Variants in DISC1 observed in about 807,000 individuals in gnomAD.
The protein encoded by DISC1 is disrupted in schizophrenia 1 protein.
In DISC1, 57 loss-of-function variants were observed where a neutral mutation model predicts 84.5. That is an observed-to-expected ratio of 0.67 (90% confidence interval 0.55 to 0.84). The LOEUF is 0.84. Among genes scored for constraint, DISC1 ranks in the 40% least tolerant of loss-of-function variants. The pLI, the probability that DISC1 is intolerant of heterozygous loss-of-function variation, is 0.00. For missense variants in DISC1, 1,000 were observed against 1,057.8 expected (o/e 0.95, Z 0.76); for synonymous variants, 411 against 415.2 (o/e 0.99, Z 0.12).
At chr1:231,965,870 G>A (rs1661039534) in intron 10 of DISC1, among the ~76,000 whole-genome samples, 1 of 152,186 alleles carries the variant, frequency 6.6e-6, no homozygotes, top group South Asian at 2.1e-4. Flanking sequence ...TTCCTGCATG[G>A]TACCCATAGT....
chr1:231,815,738 CAAA>C (rs35447965), intron 8 of DISC1, among the ~76,000 whole-genome samples: 2 of 136,258 alleles, frequency 1.5e-5, no homozygotes, highest in Non-Finnish European at 1.6e-5. Flanking sequence ...AACTCTGTCT[CAAA>C]AAAAAAAAAA....
intron 9 of DISC1, among the ~76,000 whole-genome samples, chr1:231,950,193 G>GA (rs993365593): frequency 9.9e-5 from 13 of 131,792 alleles, no homozygotes; most frequent in Non-Finnish European, 1.8e-4. Flanking sequence ...AAAAAAGAAT[G>GA]AAAAAAAATT....
At chr1:231,917,702 T>C (rs2089736537) in intron 9 of DISC1, among the ~76,000 whole-genome samples, 1 of 152,222 alleles carries the variant, frequency 6.6e-6, no homozygotes, top group African/African-American at 2.4e-5. Flanking sequence ...GCATGGCAGC[T>C]GACCCCAAGA....
chr1:231,820,543 C>T (rs530344021), intron 9 of DISC1, among the ~76,000 whole-genome samples: 3 of 152,274 alleles, frequency 2.0e-5, no homozygotes, highest in South Asian at 4.1e-4. Context: ...TGGAATGCAG[C>T]GTTCAGGGGA....
chr1:231,850,282 G>A (rs1355040726), intron 9 of DISC1, among the ~76,000 whole-genome samples: 1 of 152,312 alleles, frequency 6.6e-6, no homozygotes, highest in East Asian at 1.9e-4. Context: ...ACTAAATCAG[G>A]GAACAGACGG....
chr1:231,785,672 A>G (rs1177970689), intron 6 of DISC1, among the ~76,000 whole-genome samples: 1 of 152,142 alleles, frequency 6.6e-6, no homozygotes, highest in Non-Finnish European at 1.5e-5. Context: ...CATCATTTGT[A>G]GTTTGCTTTA....
At chr1:231,762,026 TC>T (rs2075706090) in intron 4 of DISC1, among the ~76,000 whole-genome samples, 1 of 152,190 alleles carries the variant, frequency 6.6e-6, no homozygotes, top group Non-Finnish European at 1.5e-5. Context: ...ATGGTTTTCT[TC>T]CAGACATTTC....
intron 9 of DISC1, among the ~76,000 whole-genome samples, chr1:231,835,302 A>G: frequency 6.6e-6 from 1 of 152,148 alleles, no homozygotes. Context: ...TGTTTATTTC[A>G]CCTGGGTGCA....
At position 231,792,949 on chromosome 1, in the gene DISC1, C is replaced by T. The variant is rs1241278405; in HGVS notation, c.1635-2293C>T. On this transcript the variant is annotated intron_variant, in intron 6 of 12. Transcript: ENST00000439617. ...TGTCACATGCCCCACCTCTGTCAAA[C>T]CTCACTTCTTCCATTTGGGCTGATC... Among the ~76,000 whole-genome samples the T allele has an allele frequency of 5.3e-5, 8 of 152,190 alleles. No individual in the cohort carries two copies. In the South Asian group the frequency reaches 1.2e-3, roughly 24 times the overall value.
intron 8 of DISC1, chr1:231,814,940 T>A (rs1574028584): frequency 6.7e-5 from 1 of 14,824 alleles, no homozygotes; most frequent in African/African-American, 1.7e-4. Flanking sequence ...AAATGTAAAA[T>A]AATAATAATA....
chr1:231,871,917 G>A (rs200702495), intron 9 of DISC1, among the ~76,000 whole-genome samples: 67 of 152,190 alleles, frequency 4.4e-4, no homozygotes, highest in Non-Finnish European at 9.7e-4. Context: ...TCAAAGGAGA[G>A]CCATGGACTG....
At chr1:231,761,212 T>C (rs1188497622) in intron 4 of DISC1, among the ~76,000 whole-genome samples, 1 of 152,220 alleles carries the variant, frequency 6.6e-6, no homozygotes, top group Non-Finnish European at 1.5e-5. Flanking sequence ...CACTGAGTGC[T>C]GTTCTAACAT....
At chr1:231,904,091 A>G (rs560182062) in intron 9 of DISC1, among the ~76,000 whole-genome samples, 9 of 152,320 alleles carry the variant, frequency 5.9e-5, no homozygotes, top group East Asian at 3.9e-4. Context: ...TCTCTCTTCA[A>G]TGATCCATGC....
At chr1:231,674,376 G>A (rs112488756) in intron 1 of DISC1, among the ~76,000 whole-genome samples, 5,558 of 152,148 alleles carry the variant, frequency 0.037, 331 homozygotes, top group African/African-American at 0.13. Flanking sequence ...TCACTGAGCT[G>A]TTACTATAAC....
chr1:231,676,021 G>A (rs1235501214), intron 1 of DISC1, among the ~76,000 whole-genome samples: 1 of 151,916 alleles, frequency 6.6e-6, no homozygotes, highest in African/African-American at 2.4e-5. Context: ...GCTAATTTTT[G>A]TATTTTTAGT....
intron 8 of DISC1, among the ~76,000 whole-genome samples, chr1:231,811,364 A>G (rs2080275756): frequency 6.6e-6 from 1 of 152,128 alleles, no homozygotes; most frequent in Non-Finnish European, 1.5e-5. Flanking sequence ...GATATCCTTG[A>G]CCTCGCCAAG....
At chr1:231,700,273 A>G (rs1227401591) in intron 2 of DISC1, among the ~76,000 whole-genome samples, 2 of 152,220 alleles carry the variant, frequency 1.3e-5, no homozygotes, top group Non-Finnish European at 2.9e-5. Flanking sequence ...TGAGACAGCA[A>G]GAACAACCTC....
intron 1 of DISC1, among the ~76,000 whole-genome samples, chr1:231,686,086 C>T (rs977987914): frequency 6.6e-6 from 1 of 152,214 alleles, no homozygotes; most frequent in Non-Finnish European, 1.5e-5. Flanking sequence ...TTGCAGGGTA[C>T]AGCCTCCCTC....
In DISC1 at chr1:231,694,100, C is replaced by A. The variant is rs778827055; in HGVS notation, c.342C>A (p.Thr114=). 50 of 1,614,082 alleles carry A rather than the reference C, an allele frequency of 3.1e-5. No individual in the cohort carries two copies. The highest frequency in any genetic ancestry group is 4.2e-5 in the Non-Finnish European group (49 of 1,180,040). The change falls in exon 2 of 13, where the codon ACC becomes ACA. Residue 114 remains threonine (T), a synonymous_variant. Coordinates refer to ENST00000439617, the MANE Select transcript of DISC1 (RefSeq NM_018662.3). The part of the protein sequence containing the change: ...AAPTVTSVRG[T]SAHFGIQLRG... The stretch of plus-strand genomic sequence containing the variant: ...CTACTGTGACCTCTGTGAGAGGAAC[C>A]TCGGCGCACTTTGGGATTCAGCTCA...
Sources: allele counts gnomAD v4.1 joint callset (sites outside exome capture counted in the v4.1 genomes callset), GRCh38; gene constraint gnomAD v4.1.1; transcripts MANE v1.5; gene names NCBI Gene and HGNC (gene_info 2026-07-23, HGNC 2026-07-21).